Variants in CAPN12 observed in about 807,000 individuals in gnomAD.
CAPN12 encodes calpain-12.
CAPN12 carries 107 observed loss-of-function variants against 95.0 expected under a neutral mutation model. The ratio of observed to expected loss-of-function variants is 1.13; its 90% confidence interval spans 0.96 to 1.32. The LOEUF (loss-of-function observed/expected upper bound fraction) is 1.32, where lower values mean the gene tolerates loss of function less well. Ranked by LOEUF, CAPN12 falls within the 40% of genes most tolerant of loss-of-function variation. The pLI, the probability that CAPN12 is intolerant of heterozygous loss-of-function variation, is 0.00. For missense variants in CAPN12, 1,136 were observed against 997.8 expected (o/e 1.14, Z -1.87); for synonymous variants, 505 against 415.5 (o/e 1.22, Z -2.62).
intron 10 of CAPN12, chr19:38,736,854 C>T: frequency 1.7e-6 from 1 of 586,390 alleles, no homozygotes; most frequent in Non-Finnish European, 3.0e-6. Flanking sequence ...TGTCCCTGAG[C>T]CCCTCCCTCT....
Position 38,734,130 on chromosome 19 carries a change from C to T in CAPN12, c.1878+12G>A. 1 of 1,612,264 alleles carries T rather than the reference C, an allele frequency of 6.2e-7. No individual in the cohort carries two copies. The highest frequency in any genetic ancestry group is 8.5e-7 in the Non-Finnish European group (1 of 1,179,594). ...CTCTCTTTCTGGGAAGAGGCCCAGT[C>T]TCCCACCTCACCTGCCACTCCAGGA... On this transcript the variant is annotated intron_variant, in intron 17 of 20. Coordinates refer to ENST00000328867, the MANE Select transcript of CAPN12 (RefSeq NM_144691.4).
chr19:38,742,901 G>T, intron 2 of CAPN12, 132 bp downstream of exon 2: 1 of 606,276 alleles, frequency 1.6e-6, no homozygotes. Context: ...AGGAGGGAGA[G>T]AGAGGCCTAG....
At position 38,735,489 on chromosome 19, in the gene CAPN12, G is replaced by A. The variant is rs745927148; in HGVS notation, c.1626+13C>T. 2 of 1,611,100 alleles carry A rather than the reference G, an allele frequency of 1.2e-6. No homozygotes were observed. Among genetic ancestry groups the A allele is most frequent in the Admixed American group, 1.7e-5 (1 of 59,880 alleles). ...TCCCCGCCCCATGCCGCCCCTCCAG[G>A]AACAGTCCCCACCTGGAGAGACTGC... On this transcript the variant is annotated intron_variant, in intron 13 of 20. Transcript: ENST00000328867.
chr19:38,733,708 G>A lies in CAPN12; in HGVS notation c.1952C>T (p.Ala651Val), dbSNP rs758049868. 3 of 1,613,282 alleles carry A rather than the reference G, an allele frequency of 1.9e-6. No individual in the cohort carries two copies. The highest frequency in any genetic ancestry group is 2.7e-5 in the African/African-American group (2 of 74,940). The change falls in exon 18 of 21, where the codon GCA (alanine) becomes GTA (valine). Residue 651 changes from alanine (A) to valine (V), a missense_variant. Physicochemically the swap from Ala to Val is moderately conservative, Grantham distance 64 (BLOSUM62 0). Transcript: ENST00000328867. Reference sequence around the variant, plus strand: ...CCCCAGGACCCTGTCCACACCTGCTGCATTCAGTGCCAGCCTCAGCTCGTA... The same window carrying A: ...CCCCAGGACCCTGTCCACACCTGCTACATTCAGTGCCAGCCTCAGCTCGTA... ...NSYELRLALNAAGFHLNNQLT... is the reference protein window; with the variant it reads ...NSYELRLALNVAGFHLNNQLT...
intron 18 of CAPN12, chr19:38,731,442 T>C (rs1969602724): frequency 1.7e-6 from 1 of 587,866 alleles, no homozygotes; most frequent in Non-Finnish European, 3.1e-6. Context: ...CCATAGGGTG[T>C]GTGAAGACAG....
At position 38,736,318 on chromosome 19, in the gene CAPN12, G is replaced by T. The variant is rs1161075812; in HGVS notation, c.1375C>A (p.Leu459Met). 2 of 1,445,430 alleles carry T rather than the reference G, an allele frequency of 1.4e-6. No homozygotes were observed. Among genetic ancestry groups the T allele is most frequent in the Admixed American group, 2.7e-5 (1 of 36,730 alleles). The allele number at this position is 1,445,430 out of a possible 1,614,324, so 89.5% of individuals were successfully genotyped here. Residue 459 changes from leucine to methionine, a missense_variant and splice_region_variant, in exon 12 of 21, where the codon CTG becomes ATG. Leu to Met is a conservative substitution (Grantham distance 15, BLOSUM62 2). Coordinates refer to ENST00000328867, the MANE Select transcript of CAPN12 (RefSeq NM_144691.4). ...GFHVFQIPEE[L>M]LGLWDSPRSH... Reference sequence around the variant, plus strand: ...CGCGGGGAATCCCAGAGGCCCAGCAGCTGGGGACGGGGCGGCATGACCACG... The same window carrying T: ...CGCGGGGAATCCCAGAGGCCCAGCATCTGGGGACGGGGCGGCATGACCACG...
In CAPN12 at chr19:38,736,247, G is replaced by T; in HGVS notation, c.1446C>A (p.Pro482=). 6.8e-7 allele frequency: 1 copy of T among 1,480,052 alleles called. No homozygotes were observed. The highest frequency in any genetic ancestry group is 8.9e-7 in the Non-Finnish European group (1 of 1,123,352). 91.7% of individuals were successfully genotyped at this position (1,480,052 alleles called of 1,614,324 possible). A position where few individuals can be genotyped will look rare whatever the true frequency, so the allele number is the denominator to read the frequency against. Reference sequence around the variant, plus strand: ...GGGTCACGTCGCGGCGGGCGCTGAGGGGCGAGCGGTCGGCGCGCAGCAGCC... The same window carrying T: ...GGGTCACGTCGCGGCGGGCGCTGAGTGGCGAGCGGTCGGCGCGCAGCAGCC... ...LPRLLRADRS[P]LSARRDVTRR... Residue 482 remains proline (P), a synonymous_variant, in exon 12 of 21, where the codon CCC becomes CCA. Transcript: ENST00000328867.
rs765660347 is a variant in CAPN12, at chr19:38,743,112, G to A, written c.238-10C>T. ...GCTCAGCACAGAACTCCTGTGGGTG[G>A]TGGGGGATTCCAGGCCTCAGCCTGA... On this transcript the variant is annotated splice_polypyrimidine_tract_variant and intron_variant, in intron 1 of 20. Transcript: ENST00000328867. 1.9e-6 allele frequency: 3 copies of A among 1,614,042 alleles called. No individual in the cohort carries two copies. The South Asian group carries it at 3.3e-5, about 18-fold the overall frequency.
chr19:38,735,342 A>AC (rs764088029), intron 14 of CAPN12, 28 bp downstream of exon 14: 7 of 1,520,220 alleles, frequency 4.6e-6, no homozygotes, highest in Non-Finnish European at 6.2e-6. Context: ...GCAGCGGGAT[A>AC]CCCCCTCAGT....
intron 8 of CAPN12, 150 bp downstream of exon 8, chr19:38,738,123 G>T: frequency 1.3e-6 from 1 of 753,480 alleles, no homozygotes. Flanking sequence ...ATTCTTCCTT[G>T]ATTTCCCAAA....
rs1470522960 is a variant in CAPN12 at position 38,743,026 on chromosome 19, G to T, written c.307+7C>A. 2 of 1,613,802 alleles carry T rather than the reference G, an allele frequency of 1.2e-6. No individual in the cohort carries two copies. Among genetic ancestry groups the T allele is most frequent in the Non-Finnish European group, 1.7e-6 (2 of 1,179,934 alleles). ...TCTGAGGACTCCAGGTGGGTTCAGG[G>T]TCTCACCCAGGCTCCCCTGACACAC... On this transcript the variant is annotated splice_region_variant and intron_variant, in intron 2 of 20. Coordinates refer to ENST00000328867, the MANE Select transcript of CAPN12 (RefSeq NM_144691.4).
chr19:38,730,685 G>C lies in CAPN12; in HGVS notation c.*167C>G. The C allele has an allele frequency of 1.4e-6, 1 of 731,200 alleles. No individual in the cohort carries two copies. Among genetic ancestry groups the C allele is most frequent in the Admixed American group, 2.4e-5 (1 of 42,118 alleles). The allele number at this position is 731,200 out of a possible 1,614,324, so 45.3% of individuals were successfully genotyped here. A position where few individuals can be genotyped will look rare whatever the true frequency, so the allele number is the denominator to read the frequency against. ...TGTCGCTGTTCTTGTTTCTGAGTGA[G>C]GAGTACGCAGGCCAGAGTGGTCACC... is the stretch of plus-strand genomic sequence containing the variant. On this transcript the variant is annotated 3_prime_UTR_variant, in exon 21 of 21. Transcript: ENST00000328867.
In CAPN12 at chr19:38,743,949, C is replaced by G. The variant is rs145436226; in HGVS notation, c.217G>C (p.Val73Leu). Reference sequence around the variant, plus strand: ...TTTACATGGGGCCTCATCCATTTCACGCCTTTGGCCTTCTCCGAGTCCGGC... The same window carrying G: ...TTTACATGGGGCCTCATCCATTTCAGGCCTTTGGCCTTCTCCGAGTCCGGC... Reference protein sequence around the residue: ...LGPDSEKAKGVKWMRPHEFCA... With the variant: ...LGPDSEKAKGLKWMRPHEFCA... The change falls in exon 1 of 21, where the codon GTG (valine) becomes CTG (leucine). Residue 73 changes from valine (V) to leucine (L), a missense_variant. By Grantham distance (32) the Val-to-Leu change is conservative. Transcript: ENST00000328867. The G allele has an allele frequency of 1.8e-5, 29 of 1,614,090 alleles. 1 individual carries two copies. In the African/African-American group the frequency reaches 2.8e-4, roughly 16 times the overall value.
At position 38,736,272 on chromosome 19, in the gene CAPN12, C is replaced by G; in HGVS notation, c.1421G>C (p.Arg474Pro). The G allele has an allele frequency of 6.9e-7, 1 of 1,457,948 alleles. No individual in the cohort carries two copies. Among genetic ancestry groups the G allele is most frequent in the East Asian group, 2.8e-5 (1 of 35,904 alleles). The allele number at this position is 1,457,948 out of a possible 1,614,324, so 90.3% of individuals were successfully genotyped here. Residue 474 changes from arginine to proline, a missense_variant, in exon 12 of 21, where the codon CGG becomes CCG. By Grantham distance (103) the Arg-to-Pro change is moderately radical (BLOSUM62 -2). Coordinates refer to ENST00000328867, the MANE Select transcript of CAPN12 (RefSeq NM_144691.4). The stretch of plus-strand genomic sequence containing the variant: ...GGGCGAGCGGTCGGCGCGCAGCAGC[C>G]GGGGCAGGAGCGCATGGCTGCGCGG... ...DSPRSHALLPRLLRADRSPLS... is the reference protein window; with the variant it reads ...DSPRSHALLPPLLRADRSPLS...
At position 38,740,142 on chromosome 19, in the gene CAPN12, T is replaced by A. The variant is rs1477597530; in HGVS notation, c.638A>T (p.Glu213Val). ...GCTGTTTTGTCTCAGATAGAGCACCTCGCCCACGCCGCCTGTGAAATCCAC... is the reference window on the plus strand; with the variant it reads ...GCTGTTTTGTCTCAGATAGAGCACCACGCCCACGCCGCCTGTGAAATCCAC... Reference protein sequence around the residue: ...AFVDFTGGVGEVLYLRQNSMG... With the variant: ...AFVDFTGGVGVVLYLRQNSMG... The change falls in exon 5 of 21, where the codon GAG (glutamate) becomes GTG (valine). Residue 213 changes from glutamate to valine, a missense_variant. Transcript: ENST00000328867. The A allele has an allele frequency of 6.2e-7, 1 of 1,613,640 alleles. No homozygotes were observed. The highest frequency in any genetic ancestry group is 8.5e-7 in the Non-Finnish European group (1 of 1,179,840).
At chr19:38,737,749 A>AT in intron 8 of CAPN12, 111 bp from the exon 9 acceptor site, 1 of 1,344,380 alleles carries the variant, frequency 7.4e-7, no homozygotes, top group Middle Eastern at 1.9e-4. Flanking sequence ...ATATTGTCAA[A>AT]TACCCTTCAG....
intron 3 of CAPN12, 47 bp from the exon 4 acceptor site, chr19:38,741,957 C>A (rs778273423): frequency 8.8e-6 from 14 of 1,598,814 alleles, no homozygotes; most frequent in Admixed American, 1.7e-5. Context: ...AACCTCCAAC[C>A]CTGCCTGGGC....
chr19:38,736,894 A>G, intron 10 of CAPN12: 1 of 463,954 alleles, frequency 2.2e-6, no homozygotes, highest in South Asian at 2.8e-5. Flanking sequence ...CCCCTCTGAG[A>G]CCTGGCCCCC....
Position 38,741,881 on chromosome 19 carries a change from G to A in CAPN12, c.456C>T (p.Val152=), listed in dbSNP as rs747477101. Residue 152 remains valine (V), a synonymous_variant, in exon 4 of 21, where the codon GTC becomes GTT. Transcript: ENST00000328867. ...GCACGGGCAGCCTGTCATCCACCAC[G>A]ACGTCCATCCAGCGGCCAAACTGCC... ...QLWQFGRWMD[V]VVDDRLPVRE... The A allele has an allele frequency of 1.5e-4, 238 of 1,613,916 alleles. No homozygotes were observed. Among genetic ancestry groups the A allele is most frequent in the Non-Finnish European group, 1.8e-4 (211 of 1,180,032 alleles).
Sources: allele counts gnomAD v4.1 joint callset, GRCh38; gene constraint gnomAD v4.1.1; transcripts MANE v1.5; gene names NCBI Gene and HGNC (gene_info 2026-07-23, HGNC 2026-07-21).